The following KCNK2 variants were observed in gnomAD, a reference collection of about 807,000 sequenced individuals.
KCNK2 encodes the protein potassium channel subfamily K member 2.
In KCNK2, 21 loss-of-function variants were observed where a neutral mutation model predicts 40.5. That is an observed-to-expected ratio of 0.52 (90% CI 0.37 to 0.75). The LOEUF (loss-of-function observed/expected upper bound fraction) is 0.75. Among genes scored for constraint, KCNK2 ranks in the 30% least tolerant of loss-of-function variants. The probability of loss-of-function intolerance (pLI) is 0.00; values close to 1 mark genes in which losing one functional copy is unlikely to be tolerated. For missense variants in KCNK2, 399 were observed against 531.6 expected (o/e 0.75, Z 2.45); for synonymous variants, 191 against 202.2 (o/e 0.94, Z 0.47).
At chr1:215,102,824 C>A (rs1228855987) in intron 2 of KCNK2, among the ~76,000 whole-genome samples, 1 of 151,928 alleles carries the variant, frequency 6.6e-6, no homozygotes, top group African/African-American at 2.4e-5. Context: ...GAGCAAAAGG[C>A]TCTACCATAT....
intron 1 of KCNK2, among the ~76,000 whole-genome samples, chr1:215,037,132 T>G (rs2102489990): frequency 6.6e-6 from 1 of 151,840 alleles, no homozygotes; most frequent in Non-Finnish European, 1.5e-5. Context: ...ATTTCATTAT[T>G]AAATGTGCTA....
intron 5 of KCNK2, among the ~76,000 whole-genome samples, chr1:215,188,191 T>C (rs1206472634): frequency 3.3e-5 from 5 of 152,212 alleles, no homozygotes; most frequent in Non-Finnish European, 5.9e-5. Context: ...ATCACACATG[T>C]AGTTTTGAAT....
chr1:215,057,177 A>G (rs1658198027), intron 1 of KCNK2, among the ~76,000 whole-genome samples: 1 of 151,560 alleles, frequency 6.6e-6, no homozygotes, highest in Non-Finnish European at 1.5e-5. Context: ...GCTTGGGACA[A>G]TAGCAAACCA....
chr1:215,143,130 C>A (rs1322116858), intron 3 of KCNK2, among the ~76,000 whole-genome samples: 1 of 152,104 alleles, frequency 6.6e-6, no homozygotes, highest in Non-Finnish European at 1.5e-5. Flanking sequence ...GCCTCCCAGG[C>A]CCTAGAATCC....
At chr1:215,123,074 T>A (rs757023608) in intron 2 of KCNK2, among the ~76,000 whole-genome samples, 5 of 152,128 alleles carry the variant, frequency 3.3e-5, no homozygotes, top group Non-Finnish European at 7.4e-5. Context: ...ATGTGACAAC[T>A]TTATTCCTAG....
At chr1:215,060,099 A>G (rs918305720) in intron 1 of KCNK2, among the ~76,000 whole-genome samples, 2 of 152,226 alleles carry the variant, frequency 1.3e-5, no homozygotes, top group Non-Finnish European at 2.9e-5. Context: ...CCTGTGGCTC[A>G]GGTACTGAGG....
At chr1:215,162,840 G>A (rs541420352) in intron 3 of KCNK2, among the ~76,000 whole-genome samples, 1 of 147,518 alleles carries the variant, frequency 6.8e-6, no homozygotes, top group African/African-American at 2.5e-5. Flanking sequence ...TTGCAGTATA[G>A]TTTGAAGTCA....
At chr1:215,210,599 G>A (rs1391718442) in intron 6 of KCNK2, among the ~76,000 whole-genome samples, 1 of 152,048 alleles carries the variant, frequency 6.6e-6, no homozygotes, top group Non-Finnish European at 1.5e-5. Context: ...GATTGTCTAT[G>A]ATGTGTCAGG....
At chr1:215,038,770 T>C (rs2102491003) in intron 1 of KCNK2, among the ~76,000 whole-genome samples, 1 of 152,244 alleles carries the variant, frequency 6.6e-6, no homozygotes, top group South Asian at 2.1e-4. Flanking sequence ...CGATCCTTCT[T>C]TAAACATCAC....
chr1:215,205,436 C>T (rs1665275027), intron 6 of KCNK2, among the ~76,000 whole-genome samples: 2 of 152,124 alleles, frequency 1.3e-5, no homozygotes, highest in African/African-American at 2.4e-5. Context: ...CGGGGTTTCA[C>T]CATATTGGCC....
At chr1:215,135,888 G>A (rs1186617602) in intron 3 of KCNK2, among the ~76,000 whole-genome samples, 1 of 151,382 alleles carries the variant, frequency 6.6e-6, no homozygotes, top group Non-Finnish European at 1.5e-5. Flanking sequence ...GCACGTGCCA[G>A]CATGCCCAGC....
At chr1:215,218,297 A>G (rs1397905700) in intron 6 of KCNK2, among the ~76,000 whole-genome samples, 1 of 152,238 alleles carries the variant, frequency 6.6e-6, no homozygotes, top group African/African-American at 2.4e-5. Flanking sequence ...TCACTGACAT[A>G]GAAATGGAAA....
intron 2 of KCNK2, among the ~76,000 whole-genome samples, chr1:215,123,893 TGAA>T: frequency 6.6e-6 from 1 of 152,314 alleles, no homozygotes; most frequent in South Asian, 2.1e-4. Context: ...ATGGGATGAT[TGAA>T]GAAGGGATTA....
intron 6 of KCNK2, among the ~76,000 whole-genome samples, chr1:215,209,476 T>TAATATATAATATATTA (rs1553274203): frequency 1.6e-4 from 7 of 43,192 alleles, no homozygotes; most frequent in African/African-American, 7.1e-4. Flanking sequence ...ATAATATATA[T>TAATATATAATATATTA]TATATATAAT....
chr1:215,233,578 T>A (rs1488090079), intron 6 of KCNK2, among the ~76,000 whole-genome samples: 1 of 152,162 alleles, frequency 6.6e-6, no homozygotes, highest in Non-Finnish European at 1.5e-5. Context: ...GTGTAAACAT[T>A]TAGAAACTAT....
At chr1:215,050,877 C>G (rs1015784953) in intron 1 of KCNK2, among the ~76,000 whole-genome samples, 1 of 152,102 alleles carries the variant, frequency 6.6e-6, no homozygotes, top group African/African-American at 2.4e-5. Context: ...AGTTTATTAG[C>G]TCCCGGCATC....
chr1:215,029,225 T>C (rs1358907955), intron 1 of KCNK2, among the ~76,000 whole-genome samples: 1 of 152,082 alleles, frequency 6.6e-6, no homozygotes, highest in Admixed American at 6.6e-5. Flanking sequence ...ATAGTAATCA[T>C]ACAGAGGAGT....
intron 1 of KCNK2, among the ~76,000 whole-genome samples, chr1:215,067,189 C>G (rs1005713123): frequency 6.6e-6 from 1 of 152,122 alleles, no homozygotes; most frequent in Non-Finnish European, 1.5e-5. Flanking sequence ...ATACTATCTT[C>G]AGTTCTTTTT....
intron 2 of KCNK2, among the ~76,000 whole-genome samples, chr1:215,103,056 C>T (rs6699161): frequency 0.58 from 87,648 of 151,636 alleles, 27,281 homozygotes; most frequent in Non-Finnish European, 0.69. Context: ...GAAGAATTTT[C>T]GAGAATGAGG....
Sources: allele counts gnomAD v4.1 joint callset (sites outside exome capture counted in the v4.1 genomes callset), GRCh38; gene constraint gnomAD v4.1.1; transcripts MANE v1.5; gene names NCBI Gene and HGNC (gene_info 2026-07-23, HGNC 2026-07-21).